Variants in CADPS observed in about 807,000 individuals in gnomAD.
CADPS encodes the protein calcium-dependent secretion activator 1.
CADPS carries 57 observed loss-of-function variants against 167.3 expected under a neutral mutation model. The observed-to-expected ratio is 0.34, with a 90% CI of 0.28 to 0.42. The LOEUF (loss-of-function observed/expected upper bound fraction) is 0.42, where lower values mean the gene tolerates loss of function less well. Among genes scored for constraint, CADPS ranks in the 20% least tolerant of loss-of-function variants. CADPS has a pLI of 1.00. For missense variants in CADPS, 1,414 were observed against 1,738.1 expected, an observed-to-expected ratio of 0.81 and a Z score of 3.32; for synonymous variants, 676 against 635.3, an observed-to-expected ratio of 1.06 and a Z score of -0.96.
At chr3:62,686,306 G>A (rs1216751735) in intron 3 of CADPS, among the ~76,000 whole-genome samples, 1 of 151,876 alleles carries the variant, frequency 6.6e-6, no homozygotes, top group Non-Finnish European at 1.5e-5. Flanking sequence ...TCCTGCAGAG[G>A]GAAAACAACA....
At chr3:62,488,746 C>T (rs748932077) in intron 21 of CADPS, among the ~76,000 whole-genome samples, 1 of 151,994 alleles carries the variant, frequency 6.6e-6, no homozygotes, top group East Asian at 1.9e-4. Context: ...CGCCTTGGCC[C>T]CCCAAAGTGT....
rs4146661 is a variant in CADPS, at chr3:62,631,689, T to C, written c.1325+14033A>G. Among the ~76,000 whole-genome samples, 10 of 152,266 alleles carry C rather than the reference T, an allele frequency of 6.6e-5. No individual in the cohort carries two copies. In the East Asian group the frequency reaches 1.9e-3, roughly 29 times the overall value. On this transcript the variant is annotated intron_variant, in intron 6 of 29. Transcript: ENST00000383710. ...GACAAATGGAGCAAATTGAGATTGCTCAGTGAGACCAGGCAGTGACCTTCA... is the reference window on the plus strand; with the variant it reads ...GACAAATGGAGCAAATTGAGATTGCCCAGTGAGACCAGGCAGTGACCTTCA...
At chr3:62,717,972 G>C (rs923657414) in intron 3 of CADPS, among the ~76,000 whole-genome samples, 1 of 151,974 alleles carries the variant, frequency 6.6e-6, no homozygotes, top group Admixed American at 6.6e-5. Context: ...TTCCCATCTA[G>C]CTCACGGCTG....
chr3:62,761,665 G>A (rs561963375), intron 2 of CADPS, among the ~76,000 whole-genome samples: 11 of 151,908 alleles, frequency 7.2e-5, no homozygotes, highest in Non-Finnish European at 1.6e-4. Flanking sequence ...GAGGTGAGGA[G>A]GTGAGCATGA....
intron 13 of CADPS, among the ~76,000 whole-genome samples, chr3:62,521,775 T>A (rs2070664434): frequency 6.6e-6 from 1 of 152,056 alleles, no homozygotes; most frequent in African/African-American, 2.4e-5. Flanking sequence ...TTTGGAGGAG[T>A]GGCCTCAGCC....
intron 1 of CADPS, among the ~76,000 whole-genome samples, chr3:62,862,364 G>A (rs1009343479): frequency 6.6e-6 from 1 of 151,582 alleles, no homozygotes; most frequent in African/African-American, 2.4e-5. Context: ...TTACAGGCAC[G>A]CACCACCATG....
At position 62,753,388 on chromosome 3, in the gene CADPS, G is replaced by A; in HGVS notation, c.888+53C>T. On this transcript the variant is annotated intron_variant, in intron 3 of 29. Coordinates refer to ENST00000383710, the MANE Select transcript of CADPS (RefSeq NM_003716.4). The surrounding 1 kb of genome is among the most constrained non-coding windows in gnomAD (Gnocchi z 4.6). ...AATCAAGAAGTATCTCATAGAAGTT[G>A]GAATGCAGCTCTGCTTACCCACAGC... The A allele has an allele frequency of 7.8e-7, 1 of 1,281,330 alleles. No homozygotes were observed. Among genetic ancestry groups the A allele is most frequent in the Non-Finnish European group, 1.1e-6 (1 of 912,202 alleles). The allele number at this position is 1,281,330 out of a possible 1,614,324, so 79.4% of individuals were successfully genotyped here.
At chr3:62,732,910 C>T (rs1374254404) in intron 3 of CADPS, among the ~76,000 whole-genome samples, 2 of 152,178 alleles carry the variant, frequency 1.3e-5, no homozygotes, top group Non-Finnish European at 2.9e-5. Context: ...CGAGCTCCTC[C>T]GACACATTCT....
At chr3:62,443,930 C>T in intron 27 of CADPS, among the ~76,000 whole-genome samples, 1 of 152,124 alleles carries the variant, frequency 6.6e-6, no homozygotes, top group Non-Finnish European at 1.5e-5. Context: ...ACTTACTGCC[C>T]TCCCATCTTT....
chr3:62,837,188 G>A (rs530484751), intron 1 of CADPS, among the ~76,000 whole-genome samples: 1 of 152,314 alleles, frequency 6.6e-6, no homozygotes, highest in African/African-American at 2.4e-5. Context: ...TTGTTAAGGT[G>A]ATGTTTGTAT....
At position 62,399,226 on chromosome 3, in the gene CADPS, A is replaced by G. The variant is rs1413213807; in HGVS notation, c.*180T>C. ...AACATATAGACATGGACATCAGGAA[A>G]TCAGTGGATATGAAGGTCATTTGCT... is the stretch of plus-strand genomic sequence containing the variant. On this transcript the variant is annotated 3_prime_UTR_variant, in exon 30 of 30. Coordinates refer to ENST00000383710, the MANE Select transcript of CADPS (RefSeq NM_003716.4). The surrounding 1 kb of genome is among the most constrained non-coding windows in gnomAD (Gnocchi z 5.6). The G allele has an allele frequency of 1.7e-6, 1 of 585,204 alleles. No homozygotes were observed. Among genetic ancestry groups the G allele is most frequent in the Non-Finnish European group, 3.0e-6 (1 of 328,416 alleles). 36.3% of individuals were successfully genotyped at this position (585,204 alleles called of 1,614,324 possible).
At chr3:62,466,181 G>T (rs1384755694) in intron 25 of CADPS, among the ~76,000 whole-genome samples, 158 bp downstream of exon 25, 2 of 152,078 alleles carry the variant, frequency 1.3e-5, no homozygotes, top group African/African-American at 4.8e-5. Flanking sequence ...GAGATCATCG[G>T]AAAATCATTT....
intron 1 of CADPS, among the ~76,000 whole-genome samples, chr3:62,800,642 T>C (rs915093004): frequency 4.6e-5 from 7 of 152,320 alleles, no homozygotes; most frequent in Admixed American, 1.3e-4. Flanking sequence ...TTCATTTATT[T>C]CTGCTGGGTT....
intron 21 of CADPS, among the ~76,000 whole-genome samples, chr3:62,489,462 G>A (rs1215031030): frequency 2.6e-5 from 4 of 152,162 alleles, no homozygotes; most frequent in African/African-American, 4.8e-5. Context: ...ACCCGGCCGT[G>A]TTTGACTTTT....
intron 28 of CADPS, chr3:62,404,023 C>T (rs1395185039): frequency 6.6e-6 from 1 of 152,142 alleles, no homozygotes; most frequent in Non-Finnish European, 1.5e-5. Flanking sequence ...TGCAGTACTG[C>T]TCATATATTC....
chr3:62,442,494 T>C (rs1303227472), intron 27 of CADPS, among the ~76,000 whole-genome samples: 6 of 152,112 alleles, frequency 3.9e-5, no homozygotes, highest in African/African-American at 7.2e-5. Flanking sequence ...GCTGGTATTA[T>C]AGGCGTGAGC....
At chr3:62,571,083 G>T in intron 8 of CADPS, 145 bp from the exon 9 acceptor site, 1 of 655,210 alleles carries the variant, frequency 1.5e-6, no homozygotes, top group Non-Finnish European at 2.8e-6. Flanking sequence ...CTCTGTGGTT[G>T]AGCATAAACA....
chr3:62,426,220 G>A (rs769128698), intron 28 of CADPS, among the ~76,000 whole-genome samples: 8 of 152,018 alleles, frequency 5.3e-5, no homozygotes, highest in Non-Finnish European at 1.0e-4. Flanking sequence ...GCACGATCTC[G>A]GCTTACTGCA....
chr3:62,732,459 G>A (rs951224582), intron 3 of CADPS, among the ~76,000 whole-genome samples: 8 of 152,136 alleles, frequency 5.3e-5, no homozygotes, highest in East Asian at 1.9e-4. Flanking sequence ...CAACACCTTC[G>A]TTGCAGCCTG....
Sources: gnomAD v4.1 joint callset for allele counts (sites outside exome capture counted in the v4.1 genomes callset) on GRCh38, gnomAD v4.1.1 for gene constraint, Gnocchi (gnomAD v3.1) non-coding constraint, MANE v1.5 for transcripts, NCBI Gene and HGNC (gene_info 2026-07-23, HGNC 2026-07-21) for gene names.